Variants in SCAPER observed in about 807,000 individuals in gnomAD.
The protein encoded by SCAPER is S-phase cyclin A associated protein in the ER.
Under a neutral mutation model 182.2 loss-of-function variants are expected in SCAPER, and 98 were observed. The observed-to-expected ratio is 0.54, with a 90% CI of 0.46 to 0.64. The LOEUF is 0.64. SCAPER is among the 30% of genes least tolerant of loss of function. The pLI is 0.00. For missense variants in SCAPER, 1,432 were observed against 1,690.0 expected (o/e 0.85, Z 2.68); for synonymous variants, 605 against 564.6 (o/e 1.07, Z -1.01).
At chr15:76,654,839 T>C (rs1227029754) in intron 21 of SCAPER, among the ~76,000 whole-genome samples, 1 of 152,194 alleles carries the variant, frequency 6.6e-6, no homozygotes, top group Non-Finnish European at 1.5e-5. Flanking sequence ...CTAACAAAGC[T>C]GGTGGAGTGA....
rs201472293 is a variant in SCAPER at position 76,648,909 on chromosome 15, G to A, written c.2645+16744C>T. 1.2e-4 allele frequency among the ~76,000 whole-genome samples: 18 copies of A among 152,340 alleles called. No individual in the cohort carries two copies. The East Asian group carries it at 2.9e-3, about 24-fold the overall frequency. The stretch of plus-strand genomic sequence containing the variant: ...CAGGCAACATGGCACCAGCCAGGTA[G>A]AGACCCTATCTGCATAATAAAAGAT... On this transcript the variant is annotated intron_variant, in intron 21 of 31. Transcript: ENST00000563290.
chr15:76,767,148 A>AT (rs1400909207), intron 10 of SCAPER, 60 bp from the exon 11 acceptor site: 6 of 1,407,464 alleles, frequency 4.3e-6, no homozygotes, highest in Non-Finnish European at 5.8e-6. Flanking sequence ...GAAAGTAATC[A>AT]TTTTTTATGT....
intron 29 of SCAPER, among the ~76,000 whole-genome samples, chr15:76,370,407 C>A (rs111995541): frequency 2.0e-5 from 3 of 149,262 alleles, no homozygotes; most frequent in Non-Finnish European, 4.4e-5. Flanking sequence ...CGGGTTCAAG[C>A]GATTCTCCTG....
At chr15:76,639,036 T>C (rs1025185007) in intron 21 of SCAPER, among the ~76,000 whole-genome samples, 3 of 152,200 alleles carry the variant, frequency 2.0e-5, no homozygotes, top group Non-Finnish European at 4.4e-5. Flanking sequence ...AATGCCTGTC[T>C]TGTTTTTAAA....
chr15:76,478,966 A>C lies in SCAPER; in HGVS notation c.2955-7631T>G, dbSNP rs888474909. On this transcript the variant is annotated intron_variant, in intron 24 of 31. Coordinates refer to ENST00000563290, the MANE Select transcript of SCAPER (RefSeq NM_020843.4). ...TGTTTTATTCAATGGAATTCCTACT[A>C]CTTGTTTCAAATCTTTTGTGCGTTA... Among the ~76,000 whole-genome samples, 13 of 152,186 alleles carry C rather than the reference A, an allele frequency of 8.5e-5. No individual in the cohort carries two copies. In the East Asian group the frequency reaches 2.1e-3, roughly 25 times the overall value.
At chr15:76,613,677 C>G (rs2051198403) in intron 22 of SCAPER, among the ~76,000 whole-genome samples, 2 of 152,132 alleles carry the variant, frequency 1.3e-5, no homozygotes, top group Admixed American at 6.5e-5. Flanking sequence ...TCACTGATCA[C>G]TAGAGAAATG....
chr15:76,467,517 T>G (rs1400578807), intron 25 of SCAPER, among the ~76,000 whole-genome samples: 1 of 151,822 alleles, frequency 6.6e-6, no homozygotes, highest in Non-Finnish European at 1.5e-5. Context: ...CATGGCCCAC[T>G]GTAGCTTTGA....
chr15:76,842,984 A>C (rs1479489662), intron 4 of SCAPER, among the ~76,000 whole-genome samples: 4 of 152,164 alleles, frequency 2.6e-5, no homozygotes, highest in Admixed American at 2.6e-4. Context: ...CTTCCTTCCC[A>C]AAGTTTTTTT....
intron 6 of SCAPER, among the ~76,000 whole-genome samples, chr15:76,801,498 T>C (rs2065787944): frequency 6.6e-6 from 1 of 152,188 alleles, no homozygotes; most frequent in Admixed American, 6.5e-5. Context: ...CCAAAATAAA[T>C]TTTGATGCAT....
intron 25 of SCAPER, among the ~76,000 whole-genome samples, chr15:76,443,471 A>G (rs945128097): frequency 2.6e-5 from 4 of 152,348 alleles, no homozygotes; most frequent in African/African-American, 9.6e-5. Context: ...TATGGGGACA[A>G]TGGCCCAAGG....
chr15:76,355,025 A>G (rs1320025282), intron 29 of SCAPER, among the ~76,000 whole-genome samples: 1 of 152,284 alleles, frequency 6.6e-6, no homozygotes, highest in Non-Finnish European at 1.5e-5. Context: ...ACCTAAGGTC[A>G]GAACTGTAAA....
At chr15:76,898,114 C>T (rs2074534945) in intron 1 of SCAPER, among the ~76,000 whole-genome samples, 2 of 152,214 alleles carry the variant, frequency 1.3e-5, no homozygotes, top group South Asian at 4.2e-4. Context: ...TCTCATTTCT[C>T]CAAAAAATGT....
chr15:76,702,908 T>A lies in SCAPER; in HGVS notation c.2342A>T (p.Tyr781Phe). 6.2e-7 allele frequency: 1 copy of A among 1,611,736 alleles called. No individual in the cohort carries two copies. Among genetic ancestry groups the A allele is most frequent in the East Asian group, 2.2e-5 (1 of 44,752 alleles). The change falls in exon 19 of 32, where the codon TAT becomes TTT. Residue 781 changes from tyrosine (Y) to phenylalanine (F), a missense_variant. This residue lies in a region of SCAPER where 718 missense variants were observed against 799.7 expected (regional missense o/e 0.90). Coordinates refer to ENST00000563290, the MANE Select transcript of SCAPER (RefSeq NM_020843.4). ...TTCATAAGGGGTCAGTTTGGGGGCA[T>A]AATCAGTATTTGCATGTCGCCCACT... ...LSSGRHANTD[Y>F]APKLTPYERK... is the part of the protein sequence containing the mutation.
At chr15:76,891,841 T>C (rs1385057714) in intron 1 of SCAPER, among the ~76,000 whole-genome samples, 1 of 152,106 alleles carries the variant, frequency 6.6e-6, no homozygotes, top group Admixed American at 6.5e-5. Context: ...TTGGTTCATA[T>C]GGAACCAAAA....
Position 76,804,628 on chromosome 15 carries a change from C to T in SCAPER, c.399G>A (p.Val133=). 6.3e-7 allele frequency: 1 copy of T among 1,595,742 alleles called. No homozygotes were observed. Reference sequence around the variant, plus strand: ...TTACATAGTTATCCAGCATCATTAGCACCTCCTAAAAGAAACAAAACAAAA... The same window carrying T: ...TTACATAGTTATCCAGCATCATTAGTACCTCCTAAAAGAAACAAAACAAAA... ...SDQSVVECKE[V]LMMLDNYVRD... The change falls in exon 6 of 32, where the codon GTG becomes GTA. Residue 133 remains valine (V), a synonymous_variant. Transcript: ENST00000563290.
At chr15:76,789,749 T>C (rs530964022) in intron 8 of SCAPER, among the ~76,000 whole-genome samples, 1 of 152,312 alleles carries the variant, frequency 6.6e-6, no homozygotes, top group South Asian at 2.1e-4. Context: ...AACTAAAAAT[T>C]ACATTTCATT....
At position 76,464,007 on chromosome 15, in the gene SCAPER, CTTTTT is replaced by C. The variant is rs10630336; in HGVS notation, c.3078+7200_3078+7204del. On this transcript the variant is annotated intron_variant, in intron 25 of 31. Transcript: ENST00000563290. ...AGCACTCAGTAGTACTTTCACTGGT[CTTTTT>C]TTTTTTTTTTTTTGTAAAAAGACAT... Among the ~76,000 whole-genome samples, 389 of 120,356 alleles carry C rather than the reference CTTTTT, an allele frequency of 3.2e-3. 4 individuals carry two copies. Among genetic ancestry groups the C allele is most frequent in the African/African-American group, 9.8e-3 (306 of 31,322 alleles). 79.0% of individuals were successfully genotyped at this position (120,356 alleles called of 152,430 possible).
At chr15:76,482,449 T>C (rs995542416) in intron 24 of SCAPER, among the ~76,000 whole-genome samples, 1 of 152,150 alleles carries the variant, frequency 6.6e-6, no homozygotes, top group African/African-American at 2.4e-5. Flanking sequence ...AACCAGATCT[T>C]TCCCCCCAAG....
At chr15:76,866,411 TAACA>T (rs928138437) in intron 2 of SCAPER, among the ~76,000 whole-genome samples, 2 of 152,170 alleles carry the variant, frequency 1.3e-5, no homozygotes, top group African/African-American at 4.8e-5. Flanking sequence ...ACTTCAAATC[TAACA>T]TTCTTTACTT....
Sources: allele counts gnomAD v4.1 joint callset (sites outside exome capture counted in the v4.1 genomes callset), GRCh38; gene constraint gnomAD v4.1.1; regional missense constraint gnomAD v4.1.1; transcripts MANE v1.5; gene names NCBI Gene and HGNC (gene_info 2026-07-23, HGNC 2026-07-21).